Variants in ZC3H11A observed in about 807,000 individuals in gnomAD.
ZC3H11A encodes zinc finger CCCH domain-containing protein 11A.
Under a neutral mutation model 90.8 loss-of-function variants are expected in ZC3H11A, and 22 were observed. The observed-to-expected ratio is 0.24, with a 90% CI of 0.17 to 0.35. ZC3H11A has a LOEUF of 0.35. ZC3H11A is among the 10% of genes least tolerant of loss of function. The pLI is 1.00. For synonymous variants in ZC3H11A, 294 were observed against 339.8 expected, an observed-to-expected ratio of 0.87 and a Z score of 1.48; for missense variants, 701 against 964.9, an observed-to-expected ratio of 0.73 and a Z score of 3.62.
rs1314117457 is a variant in ZC3H11A at position 203,801,717 on chromosome 1, A to G, written c.-1445A>G. On this transcript the variant is annotated 5_prime_UTR_variant, in exon 2 of 18. It removes the in-frame stop codon of an upstream open reading frame in the 5' UTR. Transcript: ENST00000367210. ...GCAAGATTTAGCCTAGAAATTATGT[A>G]GTATTTATTACATAAGAATCAAAAT... 1.3e-5 allele frequency: 2 copies of G among 152,486 alleles called. No individual in the cohort carries two copies. The highest frequency in any genetic ancestry group is 1.9e-4 in the East Asian group (1 of 5,194). The allele number at this position is 152,486 out of a possible 1,614,324, so 9.4% of individuals were successfully genotyped here.
intron 10 of ZC3H11A, among the ~76,000 whole-genome samples, chr1:203,837,290 C>CGAA (rs1684645579): frequency 7.1e-6 from 1 of 141,466 alleles, no homozygotes; most frequent in Non-Finnish European, 1.5e-5. Context: ...GATCCTGTCT[C>CGAA]AAAAAAAAAA....
intron 2 of ZC3H11A, chr1:203,805,940 G>GT (rs1196794902): frequency 1.6e-6 from 1 of 644,584 alleles, no homozygotes; most frequent in Admixed American, 1.8e-5. Flanking sequence ...TTTGCTCCCA[G>GT]TTTCATAGCA....
At chr1:203,851,000 T>C (rs780128690) in intron 16 of ZC3H11A, 57 bp from the exon 17 acceptor site, 47 of 1,577,968 alleles carry the variant, frequency 3.0e-5, no homozygotes, top group South Asian at 1.7e-4. Context: ...AGAAAATGAA[T>C]ATGCTCAAAT....
At chr1:203,813,737 T>C (rs919946067) in intron 2 of ZC3H11A, among the ~76,000 whole-genome samples, 4 of 152,106 alleles carry the variant, frequency 2.6e-5, no homozygotes, top group African/African-American at 9.7e-5. Context: ...TTCTGGCTTC[T>C]GGTGTTTGTT....
At chr1:203,831,823 G>T in intron 9 of ZC3H11A, 52 bp downstream of exon 9, 1 of 1,440,746 alleles carries the variant, frequency 6.9e-7, no homozygotes, top group Non-Finnish European at 9.5e-7. Flanking sequence ...TTATATAATT[G>T]GGAATGCAAA....
intron 1 of ZC3H11A, chr1:203,799,545 G>A: frequency 1.4e-6 from 1 of 702,996 alleles, no homozygotes. Flanking sequence ...AGCCAGTGGA[G>A]TTGTGCTCAC....
chr1:203,840,526 C>G (rs371088789), intron 12 of ZC3H11A, 152 bp downstream of exon 12: 2 of 658,158 alleles, frequency 3.0e-6, no homozygotes, highest in Non-Finnish European at 2.5e-6. Context: ...CAAGTCAGCT[C>G]AGACTCAACT....
intron 14 of ZC3H11A, 92 bp downstream of exon 14, chr1:203,848,499 A>G (rs748504096): frequency 5.7e-6 from 5 of 877,720 alleles, no homozygotes; most frequent in Non-Finnish European, 5.4e-6. Context: ...TAAGTACTTC[A>G]TTCATATATT....
chr1:203,810,352 T>G (rs570069689), intron 2 of ZC3H11A, among the ~76,000 whole-genome samples: 70 of 152,140 alleles, frequency 4.6e-4, no homozygotes, highest in Non-Finnish European at 6.0e-4. Flanking sequence ...ATAAAGATGA[T>G]ATATAAAGAA....
chr1:203,799,880 T>C, intron 1 of ZC3H11A: 3 of 1,536,012 alleles, frequency 2.0e-6, no homozygotes, highest in East Asian at 4.9e-5. Flanking sequence ...CTCAAGGTGC[T>C]GATTTAGAAA....
intron 17 of ZC3H11A, among the ~76,000 whole-genome samples, chr1:203,851,569 A>G (rs1689270116): frequency 6.6e-6 from 1 of 152,200 alleles, no homozygotes; most frequent in East Asian, 1.9e-4. Context: ...ACGTCAAGTG[A>G]TCCACCTTCC....
At chr1:203,797,918 C>T (rs1319260142) in intron 1 of ZC3H11A, 1 of 1,535,702 alleles carries the variant, frequency 6.5e-7, no homozygotes, top group African/African-American at 1.4e-5. Context: ...GAGCCAAGAC[C>T]TCCATTGTGT....
intron 15 of ZC3H11A, chr1:203,850,312 A>C (rs10494847): frequency 0.14 from 103,273 of 713,520 alleles, 9,097 homozygotes; most frequent in Admixed American, 0.29. Context: ...AACAAATTTA[A>C]GTGGTATTGT....
At chr1:203,815,407 T>G (rs1205155804) in intron 2 of ZC3H11A, among the ~76,000 whole-genome samples, 81 of 129,210 alleles carry the variant, frequency 6.3e-4, no homozygotes, top group African/African-American at 1.8e-3. Flanking sequence ...TTTTAAGAGA[T>G]GGGGTTTTGC....
At position 203,799,783 on chromosome 1, in the gene ZC3H11A, T is replaced by C. The variant is rs528552736; in HGVS notation, c.-1587-1792T>C. On this transcript the variant is annotated intron_variant, in intron 1 of 17. Transcript: ENST00000367210. Reference sequence around the variant, plus strand: ...TCTCTGAAACTTGAAACAGATACCCTACTAAGTGCCATGCTTAAATCCAAG... The same window carrying C: ...TCTCTGAAACTTGAAACAGATACCCCACTAAGTGCCATGCTTAAATCCAAG... The C allele has an allele frequency of 3.1e-5, 33 of 1,060,774 alleles. No individual in the cohort carries two copies. In the East Asian group the frequency reaches 5.7e-4, roughly 18 times the overall value. The allele number at this position is 1,060,774 out of a possible 1,614,324, so 65.7% of individuals were successfully genotyped here. A position where few individuals can be genotyped will look rare whatever the true frequency, so the allele number is the denominator to read the frequency against.
Position 203,848,382 on chromosome 1 carries a change from G to T in ZC3H11A, c.1598G>T (p.Ser533Ile), listed in dbSNP as rs1688444480. 9 of 1,613,142 alleles carry T rather than the reference G, an allele frequency of 5.6e-6. No homozygotes were observed. Among genetic ancestry groups the T allele is most frequent in the African/African-American group, 1.3e-5 (1 of 74,882 alleles). ...GAAGGAAATGAAGTTGATTCTCAGA[G>T]CAGTATTAGAACAGAAGCTAAAGAG... ...LQEGNEVDSQ[S>I]SIRTEAKEAS... Residue 533 changes from serine (S) to isoleucine (I), a missense_variant, in exon 14 of 18, where the codon AGC becomes ATC. Coordinates refer to ENST00000367210, the MANE Select transcript of ZC3H11A (RefSeq NM_001376342.1).
At chr1:203,836,850 T>C (rs550493437) in intron 10 of ZC3H11A, among the ~76,000 whole-genome samples, 2 of 152,352 alleles carry the variant, frequency 1.3e-5, no homozygotes, top group African/African-American at 4.8e-5. Context: ...TTGGGTAAGA[T>C]ACAGAATATT....
At chr1:203,803,516 T>A (rs1671166120) in intron 2 of ZC3H11A, among the ~76,000 whole-genome samples, 1 of 152,186 alleles carries the variant, frequency 6.6e-6, no homozygotes, top group Non-Finnish European at 1.5e-5. Flanking sequence ...TTTGTTTTGA[T>A]AATATATGTA....
Position 203,845,806 on chromosome 1 carries a change from G to A in ZC3H11A, c.1043-1378G>A, listed in dbSNP as rs567537349. On this transcript the variant is annotated intron_variant, in intron 12 of 17. Transcript: ENST00000367210. ...TTGAACCCAGGAGATGTAGGTTGCG[G>A]TGAGTCAAGATGACACCACTGCACA... 5.9e-5 allele frequency among the ~76,000 whole-genome samples: 9 copies of A among 152,236 alleles called. No homozygotes were observed. In the South Asian group the frequency reaches 1.9e-3, roughly 32 times the overall value.
Sources: gnomAD v4.1 joint callset for allele counts (sites outside exome capture counted in the v4.1 genomes callset) on GRCh38, gnomAD v4.1.1 for gene constraint, MANE v1.5 for transcripts, NCBI Gene and HGNC (gene_info 2026-07-23, HGNC 2026-07-21) for gene names.